Variants in IPCEF1 observed in about 807,000 individuals in gnomAD.
IPCEF1 encodes interactor protein for cytohesin exchange factors 1.
Under a neutral mutation model 50.9 loss-of-function variants are expected in IPCEF1, and 31 were observed. The observed-to-expected ratio is 0.61, with a 90% CI of 0.46 to 0.82. The LOEUF (loss-of-function observed/expected upper bound fraction) is 0.82, where lower values mean the gene tolerates loss of function less well. Ranked by LOEUF, IPCEF1 falls within the 40% of genes least tolerant of loss-of-function variation. The pLI, the probability that IPCEF1 is intolerant of heterozygous loss-of-function variation, is 0.00. For missense variants in IPCEF1, 458 were observed against 514.0 expected (o/e 0.89, Z 1.05); for synonymous variants, 181 against 192.0 (o/e 0.94, Z 0.47).
chr6:154,327,654 CAG>C (rs1783555161), intron 1 of IPCEF1, among the ~76,000 whole-genome samples: 1 of 152,194 alleles, frequency 6.6e-6, no homozygotes, highest in African/African-American at 2.4e-5. Flanking sequence ...TTGTGGAAAA[CAG>C]TGTAGCAATG....
At chr6:154,312,757 A>G (rs1487351224) in intron 1 of IPCEF1, among the ~76,000 whole-genome samples, 1 of 152,062 alleles carries the variant, frequency 6.6e-6, no homozygotes, top group African/African-American at 2.4e-5. Context: ...TCCAAGAGAG[A>G]TTTTGAGTAT....
In IPCEF1 at chr6:154,172,723, G is replaced by C. The variant is rs552341553; in HGVS notation, c.911-4610C>G. ...GCTGCCTCTCTAGATTCCACCTCTG[G>C]GGGCAGGGCATATCTGAACAAAAGG... On this transcript the variant is annotated intron_variant, in intron 10 of 11. Transcript: ENST00000367220. 2.6e-4 allele frequency among the ~76,000 whole-genome samples: 39 copies of C among 152,362 alleles called. No individual in the cohort carries two copies. In the South Asian group the frequency reaches 7.3e-3, roughly 28 times the overall value.
At chr6:154,235,363 T>A (rs1173790627) in intron 5 of IPCEF1, among the ~76,000 whole-genome samples, 1 of 152,012 alleles carries the variant, frequency 6.6e-6, no homozygotes, top group Non-Finnish European at 1.5e-5. Flanking sequence ...AAAACCCGTC[T>A]CTACTAAAAA....
chr6:154,317,123 A>G (rs1364380862), intron 1 of IPCEF1, among the ~76,000 whole-genome samples: 1 of 152,198 alleles, frequency 6.6e-6, no homozygotes, highest in Non-Finnish European at 1.5e-5. Flanking sequence ...ATCACAAGTG[A>G]TGTTAATAGA....
chr6:154,251,448 C>T (rs1028851391), intron 3 of IPCEF1, among the ~76,000 whole-genome samples: 2 of 152,136 alleles, frequency 1.3e-5, no homozygotes, highest in African/African-American at 2.4e-5. Flanking sequence ...ATATCATGCT[C>T]GCATGTGCCA....
At chr6:154,338,143 T>G (rs544145565) in intron 1 of IPCEF1, among the ~76,000 whole-genome samples, 2 of 152,360 alleles carry the variant, frequency 1.3e-5, no homozygotes, top group Non-Finnish European at 2.9e-5. Context: ...TCAAGTCTAT[T>G]GATCTTCTGC....
chr6:154,225,068 C>T (rs1353036030), intron 5 of IPCEF1, among the ~76,000 whole-genome samples: 1 of 152,122 alleles, frequency 6.6e-6, no homozygotes, highest in Non-Finnish European at 1.5e-5. Context: ...ATTTGAAATG[C>T]TTGGGGACTG....
chr6:154,192,325 TG>T (rs1245788905), intron 10 of IPCEF1, among the ~76,000 whole-genome samples: 6 of 125,068 alleles, frequency 4.8e-5, no homozygotes, highest in Admixed American at 2.2e-4. Context: ...TTACTGTGTG[TG>T]TGTGTGTGTG....
intron 9 of IPCEF1, among the ~76,000 whole-genome samples, chr6:154,206,204 C>T (rs1300905947): frequency 1.3e-5 from 2 of 152,196 alleles, no homozygotes; most frequent in African/African-American, 2.4e-5. Context: ...AAGCAGCTTG[C>T]AAATGCTACT....
At chr6:154,171,055 A>C (rs188363362) in intron 10 of IPCEF1, among the ~76,000 whole-genome samples, 154 of 152,288 alleles carry the variant, frequency 1.0e-3, no homozygotes, top group Non-Finnish European at 1.7e-3. Context: ...GCCACTTTAG[A>C]AAATAGTTTG....
chr6:154,211,777 T>G (rs1777983738), intron 9 of IPCEF1, among the ~76,000 whole-genome samples: 1 of 152,222 alleles, frequency 6.6e-6, no homozygotes, highest in East Asian at 1.9e-4. Context: ...TGCATTATTT[T>G]TCATAGCAAA....
chr6:154,354,415 A>ACCATCT (rs1784169966), intron 1 of IPCEF1, among the ~76,000 whole-genome samples: 1 of 46,706 alleles, frequency 2.1e-5, no homozygotes, highest in Admixed American at 2.4e-4. Context: ...CTCCACCACC[A>ACCATCT]CCTCCACCAC....
chr6:154,215,567 C>G (rs1212492465), intron 7 of IPCEF1, among the ~76,000 whole-genome samples: 1 of 152,116 alleles, frequency 6.6e-6, no homozygotes, highest in Admixed American at 6.5e-5. Flanking sequence ...GATCATGCCA[C>G]TGCACTCCAG....
chr6:154,289,928 T>C (rs1488985663), intron 1 of IPCEF1, among the ~76,000 whole-genome samples, 172 bp from the exon 2 acceptor site: 1 of 152,114 alleles, frequency 6.6e-6, no homozygotes, highest in African/African-American at 2.4e-5. Context: ...GGTAGACAGC[T>C]AGGCAAACAC....
chr6:154,206,855 G>A (rs528228890), intron 9 of IPCEF1, among the ~76,000 whole-genome samples: 93 of 152,370 alleles, frequency 6.1e-4, no homozygotes, highest in African/African-American at 2.2e-3. Context: ...ACAGCAGGCC[G>A]TTTGTTGGGC....
Position 154,159,466 on chromosome 6 carries a change from T to C in IPCEF1, c.*362A>G, listed in dbSNP as rs1798845221. Reference sequence around the variant, plus strand: ...TCTTTTGAAAAACAGAATGTTTCCATGGGCAATTACTCCTGGTAAAATTTG... The same window carrying C: ...TCTTTTGAAAAACAGAATGTTTCCACGGGCAATTACTCCTGGTAAAATTTG... On this transcript the variant is annotated 3_prime_UTR_variant, in exon 12 of 12. Transcript: ENST00000367220. 4.3e-6 allele frequency: 1 copy of C among 233,952 alleles called. No homozygotes were observed. The highest frequency in any genetic ancestry group is 8.2e-6 in the Non-Finnish European group (1 of 122,610). 14.5% of individuals were successfully genotyped at this position (233,952 alleles called of 1,614,324 possible).
At chr6:154,162,357 C>T (rs1292537040) in intron 11 of IPCEF1, among the ~76,000 whole-genome samples, 1 of 152,220 alleles carries the variant, frequency 6.6e-6, no homozygotes, top group Non-Finnish European at 1.5e-5. Context: ...CTCCAGTGGC[C>T]CATTCTGCAT....
chr6:154,351,685 C>T (rs187411923), intron 1 of IPCEF1, among the ~76,000 whole-genome samples: 10 of 152,354 alleles, frequency 6.6e-5, no homozygotes, highest in Non-Finnish European at 1.3e-4. Context: ...TTGAATCCCT[C>T]TCCCCTGCCT....
At chr6:154,276,789 A>G (rs973933395) in intron 2 of IPCEF1, among the ~76,000 whole-genome samples, 12 of 152,334 alleles carry the variant, frequency 7.9e-5, no homozygotes, top group Admixed American at 2.0e-4. Flanking sequence ...GAATGAGTCT[A>G]ATAATTCTTA....
Sources: gnomAD v4.1 joint callset for allele counts (sites outside exome capture counted in the v4.1 genomes callset) on GRCh38, gnomAD v4.1.1 for gene constraint, MANE v1.5 for transcripts, NCBI Gene and HGNC (gene_info 2026-07-23, HGNC 2026-07-21) for gene names.